MAPK8: variants seen among roughly 807,000 people sequenced by gnomAD.
MAPK8 encodes the protein mitogen-activated protein kinase 8.
MAPK8 carries 13 observed loss-of-function variants against 52.9 expected under a neutral mutation model. That is an observed-to-expected ratio of 0.25 (90% CI 0.16 to 0.39). The LOEUF (loss-of-function observed/expected upper bound fraction) is 0.39, where lower values mean the gene tolerates loss of function less well. Among genes scored for constraint, MAPK8 ranks in the 10% least tolerant of loss-of-function variants. The pLI, the probability that MAPK8 is intolerant of heterozygous loss-of-function variation, is 1.00. For missense variants in MAPK8, 300 were observed against 519.2 expected (o/e 0.58, Z 4.10); for synonymous variants, 191 against 169.8 (o/e 1.12, Z -0.97).
intron 1 of MAPK8, among the ~76,000 whole-genome samples, chr10:48,358,408 A>C (rs1248861767): frequency 6.6e-6 from 1 of 152,162 alleles, no homozygotes; most frequent in Non-Finnish European, 1.5e-5. Context: ...TATTTGCCTC[A>C]TGGGGTAATG....
intron 7 of MAPK8, chr10:48,425,159 A>G: frequency 1.3e-6 from 1 of 760,434 alleles, no homozygotes; most frequent in East Asian, 2.5e-5. Flanking sequence ...ACCAGCTAGT[A>G]ACACTTAGAA....
At chr10:48,383,966 A>G (rs2041161926) in intron 1 of MAPK8, among the ~76,000 whole-genome samples, 1 of 152,232 alleles carries the variant, frequency 6.6e-6, no homozygotes, top group Non-Finnish European at 1.5e-5. Flanking sequence ...AGTTAAGACA[A>G]GATGGCCTGG....
chr10:48,336,348 A>G (rs1429368168), intron 1 of MAPK8, among the ~76,000 whole-genome samples: 1 of 152,102 alleles, frequency 6.6e-6, no homozygotes, highest in Non-Finnish European at 1.5e-5. Flanking sequence ...GAAAACAGCT[A>G]CGTATTTATT....
chr10:48,418,413 T>G (rs1369155731), intron 5 of MAPK8, among the ~76,000 whole-genome samples: 1 of 152,210 alleles, frequency 6.6e-6, no homozygotes, highest in Non-Finnish European at 1.5e-5. Context: ...CTTTGCTGAA[T>G]GTGTGGTGCA....
intron 1 of MAPK8, among the ~76,000 whole-genome samples, chr10:48,371,225 T>A (rs1457575029): frequency 6.6e-6 from 1 of 152,184 alleles, no homozygotes; most frequent in Non-Finnish European, 1.5e-5. Flanking sequence ...ATTAAAAAAA[T>A]TATTAGCTAT....
chr10:48,384,407 CT>C (rs1425489280), intron 1 of MAPK8, among the ~76,000 whole-genome samples: 1 of 152,122 alleles, frequency 6.6e-6, no homozygotes, highest in Non-Finnish European at 1.5e-5. Flanking sequence ...ATGTAAATTT[CT>C]TTTATAAATA....
chr10:48,406,179 T>A (rs193090552), intron 3 of MAPK8, among the ~76,000 whole-genome samples: 1 of 152,220 alleles, frequency 6.6e-6, no homozygotes, highest in East Asian at 1.9e-4. Context: ...AGAGGAAGAA[T>A]GACGTAAAAA....
Position 48,426,417 on chromosome 10 carries a change from A to G in MAPK8, c.909A>G (p.Val303=). ...GGGATTTGTTATCCAAAATGCTGGT[A>G]ATAGATGCATCTAAAAGGATCTCTG... is the stretch of plus-strand genomic sequence containing the variant. ...QARDLLSKML[V]IDASKRISVD... is the part of the protein sequence containing the mutation. Residue 303 remains valine (V), a synonymous_variant, in exon 9 of 12, where the codon GTA becomes GTG. Transcript: ENST00000374189. The G allele has an allele frequency of 6.2e-7, 1 of 1,611,260 alleles. No homozygotes were observed. The highest frequency in any genetic ancestry group is 1.3e-5 in the African/African-American group (1 of 74,908).
intron 1 of MAPK8, among the ~76,000 whole-genome samples, chr10:48,311,928 G>A (rs1002001756): frequency 1.3e-5 from 2 of 152,224 alleles, no homozygotes; most frequent in Non-Finnish European, 2.9e-5. Context: ...ATTCGGTGAT[G>A]TAGGAACCAA....
chr10:48,420,008 T>TTA, intron 5 of MAPK8, 147 bp from the exon 6 acceptor site: 1 of 501,150 alleles, frequency 2.0e-6, no homozygotes, highest in East Asian at 3.1e-5. Context: ...GGTTTGCCTT[T>TTA]TAACGATGAA....
At chr10:48,351,147 G>A (rs1846282983) in intron 1 of MAPK8, among the ~76,000 whole-genome samples, 1 of 152,044 alleles carries the variant, frequency 6.6e-6, no homozygotes, top group African/African-American at 2.4e-5. Context: ...AACATTCCAT[G>A]CTTATGGATA....
intron 6 of MAPK8, among the ~76,000 whole-genome samples, chr10:48,423,708 G>A (rs1345090672): frequency 2.0e-5 from 3 of 151,986 alleles, no homozygotes; most frequent in Non-Finnish European, 2.9e-5. Flanking sequence ...AAATAGTATA[G>A]TATAACAATT....
chr10:48,432,626 A>G (rs1319834001), intron 11 of MAPK8, among the ~76,000 whole-genome samples: 8 of 152,206 alleles, frequency 5.3e-5, no homozygotes, highest in Admixed American at 1.3e-4. Context: ...TGAAAAGTTC[A>G]TTATGTGGGA....
intron 11 of MAPK8, among the ~76,000 whole-genome samples, chr10:48,433,193 G>A (rs540908713): frequency 1.3e-5 from 2 of 152,238 alleles, no homozygotes; most frequent in South Asian, 4.2e-4. Flanking sequence ...GAGAAAACAA[G>A]TGTGTGTTTT....
At chr10:48,351,272 ATTTTTT>A (rs66660207) in intron 1 of MAPK8, among the ~76,000 whole-genome samples, 4 of 129,514 alleles carry the variant, frequency 3.1e-5, no homozygotes, top group Non-Finnish European at 6.3e-5. Context: ...ATAACTTTGA[ATTTTTT>A]TTTTTTTTTT....
intron 3 of MAPK8, among the ~76,000 whole-genome samples, chr10:48,405,729 G>A (rs1454724941): frequency 5.9e-5 from 9 of 152,182 alleles, no homozygotes; most frequent in Non-Finnish European, 7.4e-5. Context: ...GTCCTAAACC[G>A]AAGGCATCTG....
chr10:48,369,085 A>C (rs1049742461), intron 1 of MAPK8, among the ~76,000 whole-genome samples: 2 of 152,148 alleles, frequency 1.3e-5, no homozygotes, highest in Non-Finnish European at 2.9e-5. Context: ...CTCACAGTTA[A>C]GGGGTATGGT....
chr10:48,348,867 C>T (rs142960331), intron 1 of MAPK8, among the ~76,000 whole-genome samples: 109 of 150,734 alleles, frequency 7.2e-4, no homozygotes, highest in African/African-American at 1.9e-3. Flanking sequence ...CTTGGCTATA[C>T]GGGCTCTTTT....
intron 1 of MAPK8, among the ~76,000 whole-genome samples, chr10:48,379,751 T>C (rs570745581): frequency 6.6e-6 from 1 of 152,112 alleles, no homozygotes; most frequent in Non-Finnish European, 1.5e-5. Flanking sequence ...CTTAGCAATC[T>C]TCATTAACAC....
Sources: gnomAD v4.1 joint callset for allele counts (sites outside exome capture counted in the v4.1 genomes callset) on GRCh38, gnomAD v4.1.1 for gene constraint, MANE v1.5 for transcripts, NCBI Gene and HGNC (gene_info 2026-07-23, HGNC 2026-07-21) for gene names.